Variants in MARCHF1 observed in about 807,000 individuals in gnomAD.
MARCHF1 encodes the protein E3 ubiquitin-protein ligase MARCHF1.
In MARCHF1, 40 loss-of-function variants were observed where a neutral mutation model predicts 54.2. That is an observed-to-expected ratio of 0.74 (90% CI 0.57 to 0.96). The LOEUF (loss-of-function observed/expected upper bound fraction) is 0.96. MARCHF1 is among the 40% of genes least tolerant of loss of function. MARCHF1 has a pLI of 0.00. For missense variants in MARCHF1, 586 were observed against 656.5 expected, an observed-to-expected ratio of 0.89 and a Z score of 1.17; for synonymous variants, 236 against 236.3, an observed-to-expected ratio of 1.00 and a Z score of 0.01.
At chr4:164,069,312 A>G (rs1214895583) in intron 2 of MARCHF1, among the ~76,000 whole-genome samples, 1 of 152,212 alleles carries the variant, frequency 6.6e-6, no homozygotes, top group Non-Finnish European at 1.5e-5. Context: ...AGAGAATAAA[A>G]GCAGGCTGCC....
At chr4:163,955,590 T>C (rs559516991) in intron 3 of MARCHF1, among the ~76,000 whole-genome samples, 5 of 152,254 alleles carry the variant, frequency 3.3e-5, no homozygotes, top group Admixed American at 2.6e-4. Flanking sequence ...TGAAGCACTC[T>C]GATTTGCCTG....
At chr4:163,933,195 A>G in intron 3 of MARCHF1, 4 of 739,324 alleles carry the variant, frequency 5.4e-6, no homozygotes, top group Non-Finnish European at 9.4e-6. Context: ...ACAACCTAAC[A>G]CTATGGACCT....
In MARCHF1 at chr4:163,556,314, C is replaced by G. The variant is rs552169878; in HGVS notation, c.1192-10571G>C. Among the ~76,000 whole-genome samples, 42 of 152,242 alleles carry G rather than the reference C, an allele frequency of 2.8e-4. 2 individuals are homozygous for G. In the South Asian group the frequency reaches 7.9e-3, roughly 29 times the overall value. On this transcript the variant is annotated intron_variant, in intron 8 of 9. Transcript: ENST00000514618. Reference sequence around the variant, plus strand: ...TTTGATTTCATAAGTGCTTCTATCCCTTTCTCAATTCTGTTGTGTATGTTT... The same window carrying G: ...TTTGATTTCATAAGTGCTTCTATCCGTTTCTCAATTCTGTTGTGTATGTTT...
At chr4:163,649,588 C>A (rs1213985715) in intron 5 of MARCHF1, among the ~76,000 whole-genome samples, 1 of 151,936 alleles carries the variant, frequency 6.6e-6, no homozygotes, top group Admixed American at 6.6e-5. Context: ...AGAAGGACCC[C>A]AGAAGTACTT....
chr4:164,099,801 A>C (rs558210656), intron 2 of MARCHF1, among the ~76,000 whole-genome samples: 9 of 152,164 alleles, frequency 5.9e-5, no homozygotes, highest in Non-Finnish European at 1.2e-4. Context: ...TATATGTATA[A>C]ATGCCTTTAA....
chr4:163,895,739 A>G (rs1750791755), intron 3 of MARCHF1, among the ~76,000 whole-genome samples: 1 of 152,070 alleles, frequency 6.6e-6, no homozygotes, highest in South Asian at 2.1e-4. Context: ...TAATCTTCTG[A>G]TTTATAAGTG....
At chr4:163,614,397 G>A (rs947037698) in intron 5 of MARCHF1, among the ~76,000 whole-genome samples, 1 of 152,072 alleles carries the variant, frequency 6.6e-6, no homozygotes, top group African/African-American at 2.4e-5. Flanking sequence ...AGGTGGTAAC[G>A]CTGAGATCTG....
At chr4:163,759,225 A>G (rs1746763463) in intron 4 of MARCHF1, among the ~76,000 whole-genome samples, 1 of 151,888 alleles carries the variant, frequency 6.6e-6, no homozygotes, top group African/African-American at 2.4e-5. Flanking sequence ...AATGTATGGA[A>G]GCTTAAATTC....
At chr4:163,741,927 A>G (rs1411818083) in intron 4 of MARCHF1, among the ~76,000 whole-genome samples, 2 of 152,348 alleles carry the variant, frequency 1.3e-5, no homozygotes, top group East Asian at 3.9e-4. Context: ...TATAAAACAT[A>G]CAATTTGTTA....
At chr4:163,576,818 TACTG>T (rs904186673) in intron 8 of MARCHF1, among the ~76,000 whole-genome samples, 7 of 128,182 alleles carry the variant, frequency 5.5e-5, no homozygotes, top group Non-Finnish European at 1.3e-4. Context: ...TGTCCATTTT[TACTG>T]TTTTTTTTTA....
At chr4:164,271,839 A>G (rs1260657622) in intron 1 of MARCHF1, among the ~76,000 whole-genome samples, 1 of 152,170 alleles carries the variant, frequency 6.6e-6, no homozygotes, top group Non-Finnish European at 1.5e-5. Context: ...AAGCTTCTCT[A>G]TTTGGATGAT....
At chr4:164,220,186 A>G (rs1357799240) in intron 1 of MARCHF1, among the ~76,000 whole-genome samples, 1 of 150,628 alleles carries the variant, frequency 6.6e-6, no homozygotes, top group Admixed American at 6.7e-5. Context: ...TTACATATAT[A>G]TATTTCCATA....
chr4:163,969,006 C>G (rs1278799949), intron 3 of MARCHF1, among the ~76,000 whole-genome samples: 2 of 152,062 alleles, frequency 1.3e-5, no homozygotes, highest in African/African-American at 2.4e-5. Flanking sequence ...ATAAAGAAGC[C>G]AAGCTAAGCA....
intron 1 of MARCHF1, among the ~76,000 whole-genome samples, chr4:164,335,049 A>G (rs1207847929): frequency 6.6e-6 from 1 of 152,232 alleles, no homozygotes; most frequent in Non-Finnish European, 1.5e-5. Context: ...GAGCAAAGAA[A>G]GTGGTTTCTT....
intron 3 of MARCHF1, among the ~76,000 whole-genome samples, chr4:163,914,957 G>C (rs991064335): frequency 3.9e-5 from 6 of 152,150 alleles, no homozygotes; most frequent in Non-Finnish European, 8.8e-5. Context: ...TACTGGGGCA[G>C]GGATAGTGGC....
At chr4:163,859,942 C>T (rs778623042) in intron 3 of MARCHF1, among the ~76,000 whole-genome samples, 3 of 152,112 alleles carry the variant, frequency 2.0e-5, no homozygotes, top group Non-Finnish European at 4.4e-5. Context: ...GAACTCAGCA[C>T]ACAGCTTGGG....
intron 2 of MARCHF1, among the ~76,000 whole-genome samples, chr4:164,043,280 C>T (rs375422624): frequency 4.6e-5 from 7 of 152,312 alleles, no homozygotes; most frequent in African/African-American, 1.7e-4. Flanking sequence ...GACATCCAGG[C>T]ATTTCCATAC....
chr4:163,802,683 T>C (rs207465226), intron 4 of MARCHF1, among the ~76,000 whole-genome samples: 1 of 152,182 alleles, frequency 6.6e-6, no homozygotes, highest in Non-Finnish European at 1.5e-5. Flanking sequence ...TCAACCAAAA[T>C]TTCACTTGAC....
chr4:164,319,593 G>A (rs1020837537), intron 1 of MARCHF1, among the ~76,000 whole-genome samples: 2 of 152,136 alleles, frequency 1.3e-5, no homozygotes, highest in Admixed American at 1.3e-4. Flanking sequence ...CATTGATAAG[G>A]AAAGAATGTG....
Sources: allele counts gnomAD v4.1 joint callset (sites outside exome capture counted in the v4.1 genomes callset), GRCh38; gene constraint gnomAD v4.1.1; transcripts MANE v1.5; gene names NCBI Gene and HGNC (gene_info 2026-07-23, HGNC 2026-07-21).